STXBP5L: variants seen among roughly 807,000 people sequenced by gnomAD.
The protein encoded by STXBP5L is syntaxin binding protein 5L, also known as syntaxin-binding protein 5-like.
In STXBP5L, 65 loss-of-function variants were observed where a neutral mutation model predicts 144.5. The observed-to-expected ratio is 0.45, with a 90% CI of 0.37 to 0.55. The LOEUF (loss-of-function observed/expected upper bound fraction) is 0.55. Among genes scored for constraint, STXBP5L ranks in the 20% least tolerant of loss-of-function variants. STXBP5L has a pLI of 0.00. For missense variants in STXBP5L, 1,298 were observed against 1,405.5 expected (o/e 0.92, Z 1.22); for synonymous variants, 505 against 469.6 (o/e 1.08, Z -0.97).
chr3:121,387,870 G>C (rs1015435838), intron 22 of STXBP5L, among the ~76,000 whole-genome samples: 11 of 152,150 alleles, frequency 7.2e-5, no homozygotes, highest in Non-Finnish European at 1.2e-4. Context: ...GCTTAGGATT[G>C]TCTTGGCGAT....
At chr3:121,163,986 T>C (rs1045685998) in intron 9 of STXBP5L, among the ~76,000 whole-genome samples, 3 of 152,152 alleles carry the variant, frequency 2.0e-5, no homozygotes, top group Admixed American at 2.0e-4. Flanking sequence ...AAGTATAAGC[T>C]TCAATGATTT....
rs1184753974 is a variant in STXBP5L, at chr3:121,424,696, G to A, written c.*5599G>A. On this transcript the variant is annotated 3_prime_UTR_variant, in exon 27 of 27. Transcript: ENST00000471454. ...TTTTTCTGTTGCACTCAGCAATTGT[G>A]ACTATACTTAACAAAATTCTTGTAG... The A allele has an allele frequency of 6.6e-6, 1 of 152,088 alleles. No homozygotes were observed. The highest frequency in any genetic ancestry group is 1.5e-5 in the Non-Finnish European group (1 of 68,004). 9.4% of individuals were successfully genotyped at this position (152,088 alleles called of 1,614,324 possible).
intron 20 of STXBP5L, chr3:121,324,675 C>T: frequency 1.7e-6 from 1 of 582,346 alleles, no homozygotes; most frequent in Non-Finnish European, 3.0e-6. Context: ...AAACTTTATT[C>T]TCATTTGTTG....
At chr3:120,914,988 T>A (rs1050909320) in intron 2 of STXBP5L, among the ~76,000 whole-genome samples, 2 of 152,084 alleles carry the variant, frequency 1.3e-5, no homozygotes, top group Admixed American at 6.5e-5. Flanking sequence ...GGATTATAGA[T>A]GTGTAGAAGT....
Position 121,279,799 on chromosome 3 carries a change from T to C in STXBP5L, c.1959-6T>C. Reference sequence around the variant, plus strand: ...ACATTCTAGTTGTATTTTTTTTCTCTCTTAGAGTTGCATTTGGGAACTGCA... The same window carrying C: ...ACATTCTAGTTGTATTTTTTTTCTCCCTTAGAGTTGCATTTGGGAACTGCA... On this transcript the variant is annotated splice_polypyrimidine_tract_variant and splice_region_variant and intron_variant, in intron 18 of 26. Coordinates refer to ENST00000471454, the MANE Select transcript of STXBP5L (RefSeq NM_001308330.2). The C allele has an allele frequency of 6.2e-7, 1 of 1,611,764 alleles. No homozygotes were observed. The highest frequency in any genetic ancestry group is 8.5e-7 in the Non-Finnish European group (1 of 1,178,402).
At chr3:121,211,629 A>G (rs2108256875) in intron 10 of STXBP5L, among the ~76,000 whole-genome samples, 1 of 123,184 alleles carries the variant, frequency 8.1e-6, no homozygotes, top group South Asian at 2.6e-4. Context: ...ACCAGGCTGG[A>G]GTGCAGTGGC....
intron 9 of STXBP5L, among the ~76,000 whole-genome samples, chr3:121,199,841 T>C (rs1278722348): frequency 2.0e-5 from 3 of 152,162 alleles, no homozygotes; most frequent in African/African-American, 7.2e-5. Context: ...GTCGACTTGA[T>C]CTTGGTGGGT....
chr3:121,013,071 C>T (rs1227265872), intron 3 of STXBP5L, among the ~76,000 whole-genome samples: 1 of 151,772 alleles, frequency 6.6e-6, no homozygotes, highest in East Asian at 1.9e-4. Flanking sequence ...TGTATATGTA[C>T]CACATTTTCT....
At chr3:121,317,885 T>A (rs2043836947) in intron 19 of STXBP5L, among the ~76,000 whole-genome samples, 1 of 152,062 alleles carries the variant, frequency 6.6e-6, no homozygotes, top group South Asian at 2.1e-4. Context: ...TTTTTATAAA[T>A]AAATATAAAA....
intron 3 of STXBP5L, among the ~76,000 whole-genome samples, chr3:121,037,015 C>T (rs1245168823): frequency 2.0e-5 from 3 of 152,016 alleles, no homozygotes; most frequent in African/African-American, 7.2e-5. Context: ...AAGCCTCAAA[C>T]TCCTGGGCTC....
chr3:121,070,253 G>A (rs572164966), intron 5 of STXBP5L, among the ~76,000 whole-genome samples: 3 of 152,290 alleles, frequency 2.0e-5, no homozygotes, highest in South Asian at 4.1e-4. Flanking sequence ...GCAGCATTAC[G>A]ACATTTCTTA....
chr3:121,145,456 A>G (rs957663797), intron 7 of STXBP5L, among the ~76,000 whole-genome samples: 4 of 151,916 alleles, frequency 2.6e-5, no homozygotes, highest in African/African-American at 9.7e-5. Context: ...GGAGAATTCT[A>G]TACTCTACAA....
intron 3 of STXBP5L, among the ~76,000 whole-genome samples, chr3:120,976,795 GT>G (rs916346113): frequency 1.3e-5 from 2 of 152,004 alleles, no homozygotes; most frequent in African/African-American, 4.8e-5. Context: ...CCTTCATTTC[GT>G]TATGTACCCA....
At chr3:121,063,471 G>A (rs1194205506) in intron 5 of STXBP5L, among the ~76,000 whole-genome samples, 1 of 152,180 alleles carries the variant, frequency 6.6e-6, no homozygotes, top group Non-Finnish European at 1.5e-5. Flanking sequence ...GGAGTTATGG[G>A]GGTTAGGTAC....
intron 9 of STXBP5L, among the ~76,000 whole-genome samples, chr3:121,184,930 A>G (rs1203139891): frequency 1.3e-5 from 2 of 152,164 alleles, no homozygotes; most frequent in African/African-American, 4.8e-5. Flanking sequence ...TAAAGAAAAG[A>G]ATTTTCAACC....
At chr3:121,320,299 A>T (rs1357740064) in intron 20 of STXBP5L, among the ~76,000 whole-genome samples, 4 of 151,326 alleles carry the variant, frequency 2.6e-5, no homozygotes, top group Non-Finnish European at 5.9e-5. Flanking sequence ...TTTTCTAATT[A>T]TTTGTGGTTA....
intron 3 of STXBP5L, among the ~76,000 whole-genome samples, chr3:120,998,898 C>G (rs1378861435): frequency 6.6e-6 from 1 of 152,138 alleles, no homozygotes; most frequent in Non-Finnish European, 1.5e-5. Flanking sequence ...ACACTCCAAT[C>G]TCATGGATAG....
At chr3:120,985,431 C>T (rs1394719250) in intron 3 of STXBP5L, among the ~76,000 whole-genome samples, 1 of 151,976 alleles carries the variant, frequency 6.6e-6, no homozygotes, top group African/African-American at 2.4e-5. Flanking sequence ...GTAGTGAGAG[C>T]ATTTAAAATG....
intron 5 of STXBP5L, among the ~76,000 whole-genome samples, chr3:121,049,874 T>G (rs1390254297): frequency 6.6e-6 from 1 of 152,110 alleles, no homozygotes; most frequent in Non-Finnish European, 1.5e-5. Flanking sequence ...CTGCCAAGAC[T>G]CCACATAACT....
Sources: allele counts gnomAD v4.1 joint callset (sites outside exome capture counted in the v4.1 genomes callset), GRCh38; gene constraint gnomAD v4.1.1; transcripts MANE v1.5; gene names NCBI Gene and HGNC (gene_info 2026-07-23, HGNC 2026-07-21).